The following KCNJ5 variants were observed in gnomAD, a reference collection of about 807,000 sequenced individuals.
The protein encoded by KCNJ5 is potassium inwardly rectifying channel subfamily J member 5.
A neutral mutation model predicts 20.2 loss-of-function variants in KCNJ5; 12 were observed. The ratio of observed to expected loss-of-function variants is 0.59; its 90% CI spans 0.38 to 0.96. The LOEUF is 0.96. KCNJ5 is among the 40% of genes least tolerant of loss of function. The pLI is 0.00. For missense variants in KCNJ5, 449 were observed against 557.6 expected, an observed-to-expected ratio of 0.81 and a Z score of 1.96; for synonymous variants, 210 against 213.9, an observed-to-expected ratio of 0.98 and a Z score of 0.16.
chr11:128,911,646 G>A lies in KCNJ5; in HGVS notation c.373G>A (p.Glu125Lys). The change falls in exon 2 of 3, where the codon GAG becomes AAG. Residue 125 changes from glutamate (E) to lysine (K), a missense_variant. This residue lies in a region of KCNJ5 where 203 missense variants were observed against 258.0 expected (regional missense o/e 0.79). Transcript: ENST00000529694. This position sits in a 1 kb window ranked among gnomAD's most constrained non-coding sequence, Gnocchi z 6.3. The stretch of plus-strand genomic sequence containing the variant: ...TGACCTGGACCATGTTGGCGACCAA[G>A]AGTGGATTCCTTGTGTTGAAAACCT... Reference protein sequence around the residue: ...RGDLDHVGDQEWIPCVENLSG... With the variant: ...RGDLDHVGDQKWIPCVENLSG... 6.2e-7 allele frequency: 1 copy of A among 1,614,204 alleles called. No homozygotes were observed. Among genetic ancestry groups the A allele is most frequent in the Non-Finnish European group, 8.5e-7 (1 of 1,180,030 alleles).
At chr11:128,904,669 G>A in intron 1 of KCNJ5, 1 of 646,222 alleles carries the variant, frequency 1.5e-6, no homozygotes, top group Non-Finnish European at 2.8e-6. Context: ...GCACAGGAAC[G>A]AATGCCAGTG....
intron 1 of KCNJ5, among the ~76,000 whole-genome samples, chr11:128,892,605 T>G (rs1347869768): frequency 1.3e-5 from 2 of 152,198 alleles, no homozygotes; most frequent in Admixed American, 1.3e-4. Flanking sequence ...TAAGCTGAGA[T>G]TATCATCCTC....
At chr11:128,913,851 G>A (rs1893137) in intron 2 of KCNJ5, among the ~76,000 whole-genome samples, 128,714 of 152,234 alleles carry the variant, frequency 0.85, 54,571 homozygotes, top group African/African-American at 0.9. Context: ...GGCCTGTCAG[G>A]AAGATGGCCA....
At chr11:128,915,941 GGATA>G (rs1274068933) in intron 2 of KCNJ5, among the ~76,000 whole-genome samples, 7 of 150,190 alleles carry the variant, frequency 4.7e-5, no homozygotes, top group Non-Finnish European at 5.9e-5. Context: ...ATAATTGGGT[GGATA>G]GATAGATGAT....
chr11:128,902,447 G>T, intron 1 of KCNJ5: 1 of 1,416,982 alleles, frequency 7.1e-7, no homozygotes. Flanking sequence ...GCCAGTTAGG[G>T]AGGAGAAGGC....
intron 1 of KCNJ5, chr11:128,900,250 C>G (rs1435259279): frequency 6.6e-6 from 1 of 152,200 alleles, no homozygotes; most frequent in Non-Finnish European, 1.5e-5. Context: ...GCCTGCGCTC[C>G]TTTCAGACTA....
chr11:128,897,261 C>T (rs1944193015), intron 1 of KCNJ5, among the ~76,000 whole-genome samples: 1 of 152,002 alleles, frequency 6.6e-6, no homozygotes, highest in Admixed American at 6.6e-5. Context: ...CCATGCCTGG[C>T]TAATTTTTGT....
chr11:128,911,633 T>C lies in KCNJ5; in HGVS notation c.360T>C (p.His120=), dbSNP rs751069328. ...LIAYIRGDLD[H]VGDQEWIPCV... ...CTTATATCCGGGGTGACCTGGACCA[T>C]GTTGGCGACCAAGAGTGGATTCCTT... The change falls in exon 2 of 3, where the codon CAT becomes CAC. Residue 120 remains histidine (H), a synonymous_variant. Transcript: ENST00000529694. This position sits in a 1 kb window ranked among gnomAD's most constrained non-coding sequence, Gnocchi z 6.3. The C allele has an allele frequency of 1.2e-6, 2 of 1,614,236 alleles. No individual in the cohort carries two copies. Among genetic ancestry groups the C allele is most frequent in the Middle Eastern group, 1.6e-4 (1 of 6,062 alleles).
At chr11:128,904,216 A>G (rs1360883730) in intron 1 of KCNJ5, among the ~76,000 whole-genome samples, 3 of 152,182 alleles carry the variant, frequency 2.0e-5, no homozygotes, top group Non-Finnish European at 1.5e-5. Flanking sequence ...TCTCAGGCCC[A>G]CAAGGCTCTG....
At chr11:128,916,281 A>ATGG (rs1409444934) in intron 2 of KCNJ5, 128 bp from the exon 3 acceptor site, 7 of 239,422 alleles carry the variant, frequency 2.9e-5, no homozygotes, top group Middle Eastern at 9.5e-4. Flanking sequence ...TGGATGGATG[A>ATGG]ACAGATGACT....
chr11:128,913,823 C>T (rs971462452), intron 2 of KCNJ5, among the ~76,000 whole-genome samples: 4 of 152,222 alleles, frequency 2.6e-5, no homozygotes, highest in Admixed American at 2.6e-4. Flanking sequence ...CACCACTCTG[C>T]CCCACTAAAA....
At chr11:128,895,328 A>G (rs1944157182) in intron 1 of KCNJ5, among the ~76,000 whole-genome samples, 1 of 151,736 alleles carries the variant, frequency 6.6e-6, no homozygotes, top group Non-Finnish European at 1.5e-5. Context: ...AACCAAGAGG[A>G]CCTCAGATGC....
chr11:128,891,908 G>A (rs1944098014), intron 1 of KCNJ5, among the ~76,000 whole-genome samples, 187 bp downstream of exon 1: 2 of 152,250 alleles, frequency 1.3e-5, no homozygotes, highest in African/African-American at 2.4e-5. Context: ...GATCTCCGTG[G>A]CTGCAGGCTG....
intron 1 of KCNJ5, among the ~76,000 whole-genome samples, chr11:128,908,855 C>A (rs572524313): frequency 1.3e-5 from 2 of 152,180 alleles, no homozygotes; most frequent in Non-Finnish European, 2.9e-5. Flanking sequence ...CCAGAATACA[C>A]GGGGCCTCGG....
chr11:128,915,517 T>A (rs1226492207), intron 2 of KCNJ5, among the ~76,000 whole-genome samples: 2 of 151,878 alleles, frequency 1.3e-5, no homozygotes, highest in African/African-American at 2.4e-5. Context: ...TTTTTTCCCA[T>A]CTTAATCTTC....
intron 1 of KCNJ5, among the ~76,000 whole-genome samples, chr11:128,896,674 A>G (rs1429125136): frequency 1.3e-5 from 2 of 151,868 alleles, no homozygotes; most frequent in Admixed American, 6.6e-5. Flanking sequence ...CACAGTGGGA[A>G]TCGTCCATAG....
At chr11:128,903,194 T>C (rs1480372213) in intron 1 of KCNJ5, among the ~76,000 whole-genome samples, 1 of 152,174 alleles carries the variant, frequency 6.6e-6, no homozygotes, top group African/African-American at 2.4e-5. Flanking sequence ...GTGCTTTTCC[T>C]AAAATAAAGA....
intron 1 of KCNJ5, chr11:128,905,745 G>C (rs1053823054): frequency 1.3e-5 from 2 of 151,350 alleles, no homozygotes; most frequent in East Asian, 1.9e-4. Context: ...CGTGGCTTCT[G>C]GGGGGGCGGG....
intron 1 of KCNJ5, among the ~76,000 whole-genome samples, chr11:128,895,433 G>A (rs1320317223): frequency 2.0e-5 from 3 of 148,756 alleles, no homozygotes; most frequent in South Asian, 2.1e-4. Flanking sequence ...TTGGTGCCTG[G>A]AACCCTGGGC....
Sources: allele counts gnomAD v4.1 joint callset (sites outside exome capture counted in the v4.1 genomes callset), GRCh38; gene constraint gnomAD v4.1.1; regional missense constraint gnomAD v4.1.1; non-coding constraint Gnocchi (gnomAD v3.1); transcripts MANE v1.5; gene names NCBI Gene and HGNC (gene_info 2026-07-23, HGNC 2026-07-21).